The following DLG2 variants were observed in gnomAD, a reference collection of about 807,000 sequenced individuals.
The protein encoded by DLG2 is disks large homolog 2.
DLG2 carries 45 observed loss-of-function variants against 132.5 expected under a neutral mutation model. The observed-to-expected ratio is 0.34, with a 90% CI of 0.27 to 0.44. DLG2 has a LOEUF of 0.44. Among genes scored for constraint, DLG2 ranks in the 20% least tolerant of loss-of-function variants. The pLI, the probability that DLG2 is intolerant of heterozygous loss-of-function variation, is 1.00. For synonymous variants in DLG2, 424 were observed against 419.6 expected (o/e 1.01, Z -0.13); for missense variants, 1,045 against 1,196.9 (o/e 0.87, Z 1.87).
At chr11:83,514,894 A>G (rs895004145) in intron 21 of DLG2, among the ~76,000 whole-genome samples, 2 of 151,456 alleles carry the variant, frequency 1.3e-5, no homozygotes, top group Admixed American at 1.3e-4. Context: ...TTGACCGTGG[A>G]TATGCTTTTT....
At chr11:83,742,158 A>G (rs2092567901) in intron 18 of DLG2, among the ~76,000 whole-genome samples, 1 of 151,862 alleles carries the variant, frequency 6.6e-6, no homozygotes, top group Admixed American at 6.6e-5. Context: ...TTAGGGAAAT[A>G]TTGTATTGTA....
intron 18 of DLG2, among the ~76,000 whole-genome samples, chr11:83,702,344 A>G (rs938540830): frequency 1.3e-5 from 2 of 152,144 alleles, no homozygotes; most frequent in Non-Finnish European, 2.9e-5. Context: ...ACAATTTTTT[A>G]CCTTTATAAA....
At chr11:84,539,337 A>T (rs990003830) in intron 6 of DLG2, among the ~76,000 whole-genome samples, 1 of 152,194 alleles carries the variant, frequency 6.6e-6, no homozygotes, top group African/African-American at 2.4e-5. Context: ...AGGAAATAAA[A>T]TTTTTAGGAA....
In DLG2 at chr11:85,465,411, C is replaced by T. The variant is rs201808590; in HGVS notation, c.40+133246G>A. Reference sequence around the variant, plus strand: ...TGCTGGTGTGCTGCACCCAGTAACTCGTCATTTAACATTAGGTATATCTCC... The same window carrying T: ...TGCTGGTGTGCTGCACCCAGTAACTTGTCATTTAACATTAGGTATATCTCC... On this transcript the variant is annotated intron_variant, in intron 3 of 27. Coordinates refer to ENST00000376104, the MANE Select transcript of DLG2 (RefSeq NM_001142699.3). Among the ~76,000 whole-genome samples the T allele has an allele frequency of 7.9e-5, 12 of 152,086 alleles. No homozygotes were observed. In the East Asian group the frequency reaches 9.7e-4, roughly 12 times the overall value.
At chr11:85,003,918 T>G (rs2058421191) in intron 6 of DLG2, among the ~76,000 whole-genome samples, 1 of 152,194 alleles carries the variant, frequency 6.6e-6, no homozygotes, top group Non-Finnish European at 1.5e-5. Context: ...CTCCTTACTG[T>G]GTCCATGTGT....
At chr11:85,438,720 T>C (rs1274325585) in intron 3 of DLG2, among the ~76,000 whole-genome samples, 3 of 152,162 alleles carry the variant, frequency 2.0e-5, no homozygotes, top group African/African-American at 7.2e-5. Context: ...TAGGAGAATT[T>C]TGTTCTATAC....
chr11:84,543,570 T>G (rs568179627), intron 6 of DLG2, among the ~76,000 whole-genome samples: 2 of 152,324 alleles, frequency 1.3e-5, no homozygotes, highest in East Asian at 3.9e-4. Flanking sequence ...CTGCTTGGTT[T>G]ACTGCTGACC....
intron 11 of DLG2, among the ~76,000 whole-genome samples, chr11:84,025,177 TC>T (rs1301357489): frequency 6.6e-6 from 1 of 152,112 alleles, no homozygotes; most frequent in Non-Finnish European, 1.5e-5. Flanking sequence ...TTTAATTTAT[TC>T]AGGAAAATGG....
At chr11:85,101,206 C>T (rs531365343) in intron 6 of DLG2, among the ~76,000 whole-genome samples, 1 of 151,996 alleles carries the variant, frequency 6.6e-6, no homozygotes, top group African/African-American at 2.4e-5. Flanking sequence ...CAGCAATGTC[C>T]TCTCTTGAAT....
chr11:84,689,177 A>G (rs939482246), intron 6 of DLG2, among the ~76,000 whole-genome samples: 1 of 152,170 alleles, frequency 6.6e-6, no homozygotes, highest in Non-Finnish European at 1.5e-5. Context: ...GAAAATCTGT[A>G]TATTGTTCTT....
rs866552460 is a variant in DLG2 at position 83,754,770 on chromosome 11, A to C, written c.1825+31920T>G. Among the ~76,000 whole-genome samples, 26 of 151,454 alleles carry C rather than the reference A, an allele frequency of 1.7e-4. 3 individuals are homozygous for C. Among genetic ancestry groups the C allele is most frequent in the African/African-American group, 6.1e-4 (25 of 40,750 alleles). ...GAAACAATTTGCCATGTGAAAAAGA[A>C]GTCATTAGAAAGCAAAGAGAGTGAT... On this transcript the variant is annotated intron_variant, in intron 18 of 27. Coordinates refer to ENST00000376104, the MANE Select transcript of DLG2 (RefSeq NM_001142699.3).
At position 85,367,131 on chromosome 11, in the gene DLG2, G is replaced by T. The variant is rs1210197465; in HGVS notation, c.41-81766C>A. 3.9e-5 allele frequency among the ~76,000 whole-genome samples: 6 copies of T among 152,144 alleles called. No individual in the cohort carries two copies. In the South Asian group the frequency reaches 8.3e-4, roughly 21 times the overall value. ...ATACAGAATGCGATTTTAGATCAACGTTTTAAAAAATAATTTCAAGGAATC... is the reference window on the plus strand; with the variant it reads ...ATACAGAATGCGATTTTAGATCAACTTTTTAAAAAATAATTTCAAGGAATC... On this transcript the variant is annotated intron_variant, in intron 3 of 27. Coordinates refer to ENST00000376104, the MANE Select transcript of DLG2 (RefSeq NM_001142699.3).
In DLG2 at chr11:84,368,670, T is replaced by G. The variant is rs184046418; in HGVS notation, c.520-117379A>C. Among the ~76,000 whole-genome samples, 93 of 152,260 alleles carry G rather than the reference T, an allele frequency of 6.1e-4. 1 individual carries two copies. The Middle Eastern group carries it at 0.02, about 33-fold the overall frequency. ...CACTAAGTGAGTTATTTATCTTTTATGATTCTGTCTTATTATCTATTAAAT... is the reference window on the plus strand; with the variant it reads ...CACTAAGTGAGTTATTTATCTTTTAGGATTCTGTCTTATTATCTATTAAAT... On this transcript the variant is annotated intron_variant, in intron 7 of 27. Transcript: ENST00000376104.
intron 3 of DLG2, among the ~76,000 whole-genome samples, chr11:85,581,198 C>T (rs1315380434): frequency 2.6e-5 from 4 of 152,172 alleles, no homozygotes; most frequent in Non-Finnish European, 4.4e-5. Flanking sequence ...AGTAACAGCT[C>T]GCTCTCCATG....
Position 85,498,870 on chromosome 11 carries a change from T to A in DLG2, c.40+99787A>T, listed in dbSNP as rs183592425. On this transcript the variant is annotated intron_variant, in intron 3 of 27. Coordinates refer to ENST00000376104, the MANE Select transcript of DLG2 (RefSeq NM_001142699.3). Reference sequence around the variant, plus strand: ...CTGGGTAAATAATGAAATTAAGAAATAAAGATGGTCTTTGAAACCAATGAG... The same window carrying A: ...CTGGGTAAATAATGAAATTAAGAAAAAAAGATGGTCTTTGAAACCAATGAG... Among the ~76,000 whole-genome samples, 4 of 152,232 alleles carry A rather than the reference T, an allele frequency of 2.6e-5. No individual in the cohort carries two copies. In the East Asian group the frequency reaches 7.7e-4, roughly 29 times the overall value.
chr11:84,214,954 TA>T (rs2096816384), intron 8 of DLG2, among the ~76,000 whole-genome samples: 2 of 152,096 alleles, frequency 1.3e-5, no homozygotes, highest in Non-Finnish European at 2.9e-5. Flanking sequence ...AAAGAGAAAT[TA>T]AAGATTGCAA....
intron 6 of DLG2, among the ~76,000 whole-genome samples, chr11:84,657,844 G>T (rs779223414): frequency 1.3e-5 from 2 of 152,154 alleles, no homozygotes; most frequent in Non-Finnish European, 2.9e-5. Flanking sequence ...GTTGTTTATT[G>T]TCTAGCATTG....
At chr11:84,922,997 T>G in intron 6 of DLG2, 1 of 1,568,932 alleles carries the variant, frequency 6.4e-7, no homozygotes, top group African/African-American at 1.4e-5. Context: ...CGAAAAGTCC[T>G]GAAGCTACAC....
chr11:83,604,924 C>A (rs955853838), intron 19 of DLG2, among the ~76,000 whole-genome samples: 1 of 151,614 alleles, frequency 6.6e-6, no homozygotes, highest in Non-Finnish European at 1.5e-5. Context: ...GCACTAGGCC[C>A]AACAGGCCAG....
Sources: gnomAD v4.1 joint callset for allele counts (sites outside exome capture counted in the v4.1 genomes callset) on GRCh38, gnomAD v4.1.1 for gene constraint, MANE v1.5 for transcripts, NCBI Gene and HGNC (gene_info 2026-07-23, HGNC 2026-07-21) for gene names.